Variants in CTNNB1 observed in about 807,000 individuals in gnomAD.
CTNNB1 encodes catenin beta-1.
In CTNNB1, 6 loss-of-function variants were observed where a neutral mutation model predicts 82.5. That is an observed-to-expected ratio of 0.07 (90% CI 0.04 to 0.14). The LOEUF (loss-of-function observed/expected upper bound fraction) is 0.14, where lower values mean the gene tolerates loss of function less well. Ranked by LOEUF, CTNNB1 falls within the 10% of genes least tolerant of loss-of-function variation. CTNNB1 has a pLI of 1.00. For synonymous variants in CTNNB1, 312 were observed against 329.7 expected (o/e 0.95, Z 0.58); for missense variants, 529 against 980.4 (o/e 0.54, Z 6.15).
intron 1 of CTNNB1, among the ~76,000 whole-genome samples, chr3:41,205,575 C>G (rs1487346749): frequency 6.6e-6 from 1 of 152,032 alleles, no homozygotes; most frequent in Non-Finnish European, 1.5e-5. Context: ...GCTTGGAAGT[C>G]TGAAGCATGA....
In CTNNB1 at chr3:41,232,946, C is replaced by G. The variant is rs145636444; in HGVS notation, c.1082-395C>G. Reference sequence around the variant, plus strand: ...GCCTCTTCCAACTAGATCATAAATTCTGAGGGTAGGAACTTCTGAATATTT... The same window carrying G: ...GCCTCTTCCAACTAGATCATAAATTGTGAGGGTAGGAACTTCTGAATATTT... On this transcript the variant is annotated intron_variant, in intron 7 of 14. Transcript: ENST00000349496. Among the ~76,000 whole-genome samples the G allele has an allele frequency of 3.4e-4, 51 of 152,176 alleles. No homozygotes were observed. The East Asian group carries it at 9.8e-3, about 29-fold the overall frequency.
At chr3:41,210,311 G>A (rs560086790) in intron 1 of CTNNB1, among the ~76,000 whole-genome samples, 18 of 152,172 alleles carry the variant, frequency 1.2e-4, no homozygotes, top group South Asian at 2.1e-4. Context: ...AAAATTAGCC[G>A]GGCGTGGTGG....
At position 41,206,085 on chromosome 3, in the gene CTNNB1, C is replaced by T. The variant is rs577347313; in HGVS notation, c.-49+6415C>T. On this transcript the variant is annotated intron_variant, in intron 1 of 14. Coordinates refer to ENST00000349496, the MANE Select transcript of CTNNB1 (RefSeq NM_001904.4). ...CTTCATAACACTTCCATTTTCTCCC[C>T]TATTTATTTCCATATTTTTATTTTT... is the stretch of plus-strand genomic sequence containing the variant. Among the ~76,000 whole-genome samples the T allele has an allele frequency of 2.0e-5, 3 of 152,256 alleles. No homozygotes were observed. The South Asian group carries it at 6.2e-4, about 32-fold the overall frequency.
intron 13 of CTNNB1, 88 bp from the exon 14 acceptor site, chr3:41,237,928 T>G (rs1462733969): frequency 1.8e-6 from 2 of 1,103,624 alleles, no homozygotes; most frequent in Non-Finnish European, 2.8e-6. Context: ...TTTTGTAATC[T>G]GAAAGTATGC....
At chr3:41,224,155 C>T in intron 2 of CTNNB1, 74 bp downstream of exon 2, 11 of 1,535,870 alleles carry the variant, frequency 7.2e-6, no homozygotes, top group Non-Finnish European at 9.9e-6. Flanking sequence ...TGGCTGAGAT[C>T]CCCCTGCTTT....
At chr3:41,216,919 A>G (rs767317393) in intron 1 of CTNNB1, among the ~76,000 whole-genome samples, 15 of 152,036 alleles carry the variant, frequency 9.9e-5, no homozygotes, top group Non-Finnish European at 1.8e-4. Context: ...AACTACAGTA[A>G]CCTCCTAAAT....
rs150661302 is a variant in CTNNB1, at chr3:41,230,037, T to G, written c.1081+2685T>G. ...AAAGAAGGAAAAATATAAAGGCATTTAATGGAAGAAAATGTTGGGAATAAA... is the reference window on the plus strand; with the variant it reads ...AAAGAAGGAAAAATATAAAGGCATTGAATGGAAGAAAATGTTGGGAATAAA... On this transcript the variant is annotated intron_variant, in intron 7 of 14. Coordinates refer to ENST00000349496, the MANE Select transcript of CTNNB1 (RefSeq NM_001904.4). 6.4e-3 allele frequency among the ~76,000 whole-genome samples: 971 copies of G among 152,300 alleles called. 10 individuals are homozygous for G. The highest frequency in any genetic ancestry group is 0.022 in the African/African-American group (902 of 41,554).
chr3:41,206,024 GA>G (rs1214184801), intron 1 of CTNNB1, among the ~76,000 whole-genome samples: 1 of 152,148 alleles, frequency 6.6e-6, no homozygotes, highest in Non-Finnish European at 1.5e-5. Context: ...ATGGTTTGAA[GA>G]GTGTGAACAT....
chr3:41,239,026 T>G, intron 14 of CTNNB1, 108 bp from the exon 15 acceptor site: 1 of 933,202 alleles, frequency 1.1e-6, no homozygotes, highest in Admixed American at 1.8e-5. Context: ...ACAAGTTTGC[T>G]GCTGAACTTT....
intron 1 of CTNNB1, chr3:41,221,996 T>C (rs1405668552): frequency 6.6e-6 from 1 of 152,212 alleles, no homozygotes; most frequent in Admixed American, 6.5e-5. Context: ...AGATACTAAA[T>C]TGAAGTGTTC....
intron 1 of CTNNB1, among the ~76,000 whole-genome samples, chr3:41,205,197 TG>T (rs1162290528): frequency 6.6e-6 from 1 of 152,236 alleles, no homozygotes; most frequent in Non-Finnish European, 1.5e-5. Context: ...CTTTAAATCA[TG>T]TCCTTTTTAC....
rs2078544710 is a variant in CTNNB1 at position 41,240,076 on chromosome 3, T to TAA, written c.*735_*736dup. 1 of 193,208 alleles carries TAA rather than the reference T, an allele frequency of 5.2e-6. No individual in the cohort carries two copies. The highest frequency in any genetic ancestry group is 2.4e-5 in the African/African-American group (1 of 41,482). 12.0% of individuals were successfully genotyped at this position (193,208 alleles called of 1,614,324 possible). A position where few individuals can be genotyped will look rare whatever the true frequency, so the allele number is the denominator to read the frequency against. ...TAGTGAATACTGCTACAGCAATTTCTAATTTTTAAGAATTGAGTAATGGTG... is the reference window on the plus strand; with the variant it reads ...TAGTGAATACTGCTACAGCAATTTCTAAAATTTTTAAGAATTGAGTAATGGTG... On this transcript the variant is annotated 3_prime_UTR_variant, in exon 15 of 15. Transcript: ENST00000349496.
In CTNNB1 at chr3:41,227,250, A is replaced by T. The variant is rs753499163; in HGVS notation, c.979A>T (p.Ile327Leu). 1 of 1,613,080 alleles carries T rather than the reference A, an allele frequency of 6.2e-7. No individual in the cohort carries two copies. The highest frequency in any genetic ancestry group is 8.5e-7 in the Non-Finnish European group (1 of 1,179,056). The change falls in exon 7 of 15, where the codon ATA (isoleucine) becomes TTA (leucine). Residue 327 changes from isoleucine (I) to leucine (L), a missense_variant. By Grantham distance (5) the Ile-to-Leu change is conservative. Transcript: ENST00000349496. ...TGGTGGACCCCAAGCTTTAGTAAAT[A>T]TAATGAGGACCTATACTTACGAAAA... Reference protein sequence around the residue: ...ASGGPQALVNIMRTYTYEKLL... With the variant: ...ASGGPQALVNLMRTYTYEKLL...
At chr3:41,201,842 A>G (rs770733777) in intron 1 of CTNNB1, among the ~76,000 whole-genome samples, 1 of 152,160 alleles carries the variant, frequency 6.6e-6, no homozygotes, top group Non-Finnish European at 1.5e-5. Flanking sequence ...TTCCAGTATT[A>G]AAATTTATCA....
Position 41,239,769 on chromosome 3 carries a change from C to G in CTNNB1, c.*427C>G. 3.2e-6 allele frequency: 1 copy of G among 312,490 alleles called. No homozygotes were observed. The allele number at this position is 312,490 out of a possible 1,614,324, so 19.4% of individuals were successfully genotyped here. On this transcript the variant is annotated 3_prime_UTR_variant, in exon 15 of 15. Coordinates refer to ENST00000349496, the MANE Select transcript of CTNNB1 (RefSeq NM_001904.4). ...TGACACACTAACCAAGCTGAGTTTC[C>G]TATGGGAACAATTGAAGTAAACTTT...
At chr3:41,228,708 T>C (rs1469729188) in intron 7 of CTNNB1, among the ~76,000 whole-genome samples, 1 of 152,234 alleles carries the variant, frequency 6.6e-6, no homozygotes, top group Non-Finnish European at 1.5e-5. Context: ...TTGATTTCTT[T>C]TGCTGCGCAG....
intron 14 of CTNNB1, 52 bp from the exon 15 acceptor site, chr3:41,239,082 C>G (rs2078510211): frequency 6.8e-7 from 1 of 1,461,074 alleles, no homozygotes. Context: ...CTTCTCTCCT[C>G]TCTCTTTTGC....
chr3:41,238,738 G>T (rs768634246), intron 14 of CTNNB1, among the ~76,000 whole-genome samples: 1 of 152,146 alleles, frequency 6.6e-6, no homozygotes, highest in Non-Finnish European at 1.5e-5. Context: ...ACACCTGCCA[G>T]ACCTCATTAT....
intron 1 of CTNNB1, among the ~76,000 whole-genome samples, chr3:41,223,239 T>G (rs1189320974): frequency 6.6e-6 from 1 of 152,204 alleles, no homozygotes; most frequent in Non-Finnish European, 1.5e-5. Context: ...TAAACTGTTC[T>G]AATTTGCAAG....
Sources: gnomAD v4.1 joint callset for allele counts (sites outside exome capture counted in the v4.1 genomes callset) on GRCh38, gnomAD v4.1.1 for gene constraint, MANE v1.5 for transcripts, NCBI Gene and HGNC (gene_info 2026-07-23, HGNC 2026-07-21) for gene names.